DCST2: variants seen among roughly 807,000 people sequenced by gnomAD.
The protein encoded by DCST2 is DC-STAMP domain-containing protein 2.
DCST2 carries 64 observed loss-of-function variants against 81.8 expected under a neutral mutation model. The observed-to-expected ratio is 0.78, with a 90% CI of 0.64 to 0.96. The LOEUF is 0.96. Among genes scored for constraint, DCST2 ranks in the 40% least tolerant of loss-of-function variants. The pLI is 0.00. For missense variants in DCST2, 945 were observed against 1,001.4 expected, an observed-to-expected ratio of 0.94 and a Z score of 0.76; for synonymous variants, 354 against 402.6, an observed-to-expected ratio of 0.88 and a Z score of 1.44.
chr1:155,024,684 T>G, intron 10 of DCST2, 82 bp from the exon 11 acceptor site: 1 of 1,391,806 alleles, frequency 7.2e-7, no homozygotes, highest in South Asian at 1.8e-5. Flanking sequence ...ACTACCTACC[T>G]TTTCCTTCTA....
rs781475682 is a variant in DCST2, at chr1:155,023,941, T to C, written c.1761A>G (p.Pro587=). 2 of 1,613,270 alleles carry C rather than the reference T, an allele frequency of 1.2e-6. No individual in the cohort carries two copies. The highest frequency in any genetic ancestry group is 2.2e-5 in the South Asian group (2 of 90,968). Residue 587 remains proline, a synonymous_variant, in exon 12 of 15, where the codon CCA becomes CCG. Transcript: ENST00000368424. The part of the protein sequence containing the change: ...VLASRCPCLG[P]FVSHFWLHQA... Reference sequence around the variant, plus strand: ...GATGCAGCCAAAAGTGGCTGACAAATGGACCTAGGCAGGGGCACCTGAGAA... The same window carrying C: ...GATGCAGCCAAAAGTGGCTGACAAACGGACCTAGGCAGGGGCACCTGAGAA...
chr1:155,018,959 A>T (rs1442344921), intron 14 of DCST2, among the ~76,000 whole-genome samples, 199 bp from the exon 15 acceptor site: 1 of 152,162 alleles, frequency 6.6e-6, no homozygotes, highest in African/African-American at 2.4e-5. Flanking sequence ...GGGGGTGGGC[A>T]GTGACTTGCC....
chr1:155,023,232 G>C lies in DCST2; in HGVS notation c.1990C>G (p.Gln664Glu). 1 of 1,614,142 alleles carries C rather than the reference G, an allele frequency of 6.2e-7. No individual in the cohort carries two copies. Among genetic ancestry groups the C allele is most frequent in the East Asian group, 2.2e-5 (1 of 44,890 alleles). The change falls in exon 14 of 15, where the codon CAG becomes GAG. Residue 664 changes from glutamine to glutamate, a missense_variant. Physicochemically the swap from Gln to Glu is conservative, Grantham distance 29 (BLOSUM62 2). Transcript: ENST00000368424. ...ELDSSDEEGP[Q>E]LWLAAAQRKD... ...CTTTGAGCTGCAGCCAGCCATAGCT[G>C]AGGGCCCTCCTCATCGCTGGAGTCC... is the stretch of plus-strand genomic sequence containing the variant.
rs1388199538 is a variant in DCST2, at chr1:155,033,578, G to A, written c.124C>T (p.Leu42Phe). 6.2e-7 allele frequency: 1 copy of A among 1,614,178 alleles called. No homozygotes were observed. The highest frequency in any genetic ancestry group is 1.1e-5 in the South Asian group (1 of 91,086). The change falls in exon 1 of 15, where the codon CTT becomes TTT. Residue 42 changes from leucine to phenylalanine, a missense_variant. Transcript: ENST00000368424. ...TGGCCTTCCACCAGTAGCTCCAGAA[G>A]CCCGTAGGCCGTGGCTAAAGACAAG... ...LGLSLATAYG[L>F]LELLVEGHSP...
chr1:155,032,470 T>G (rs183029323), intron 3 of DCST2, among the ~76,000 whole-genome samples, 197 bp downstream of exon 3: 38 of 152,076 alleles, frequency 2.5e-4, no homozygotes, highest in Non-Finnish European at 4.7e-4. Context: ...CTGGCTAGTT[T>G]TATTTATTTT....
chr1:155,028,017 C>T (rs1428808022), intron 8 of DCST2, among the ~76,000 whole-genome samples: 3 of 150,498 alleles, frequency 2.0e-5, no homozygotes, highest in South Asian at 2.1e-4. Context: ...CTCTGCCTCC[C>T]AGGTTCAAGT....
chr1:155,025,558 A>C (rs185147775), intron 10 of DCST2, among the ~76,000 whole-genome samples: 381 of 151,908 alleles, frequency 2.5e-3, no homozygotes, highest in Admixed American at 3.7e-3. Flanking sequence ...CAATCTCTTG[A>C]CCTTGTGATC....
chr1:155,025,011 G>T (rs185124159), intron 10 of DCST2, among the ~76,000 whole-genome samples: 51 of 152,116 alleles, frequency 3.4e-4, no homozygotes, highest in African/African-American at 1.2e-3. Flanking sequence ...AACTGGGGTG[G>T]TGGCGCATGC....
chr1:155,024,332 T>C (rs1659839315), intron 11 of DCST2, 140 bp downstream of exon 11: 2 of 1,197,008 alleles, frequency 1.7e-6, no homozygotes, highest in South Asian at 4.5e-5. Flanking sequence ...TTCCCACCTT[T>C]CACAGCGTTA....
At chr1:155,031,535 C>A (rs373931993) in intron 4 of DCST2, 39 bp downstream of exon 4, 37 of 1,576,396 alleles carry the variant, frequency 2.3e-5, no homozygotes, top group Non-Finnish European at 3.0e-5. Flanking sequence ...CCCCACCCCA[C>A]ATCGGCTCCT....
In DCST2 at chr1:155,023,419, T is replaced by C. The variant is rs774894145; in HGVS notation, c.1909A>G (p.Thr637Ala). The change falls in exon 13 of 15, where the codon ACC becomes GCC. Residue 637 changes from threonine (T) to alanine (A), a missense_variant. By Grantham distance (58) the Thr-to-Ala change is moderately conservative. Transcript: ENST00000368424. ...CLTCFRLLDN[T>A]CSVCASPLSY... ...AGGGGAGATGCACACACGGAGCAGG[T>C]ATTGTCCAGGAGGCGGAAGCAAGTG... 6.2e-7 allele frequency: 1 copy of C among 1,605,872 alleles called. No homozygotes were observed. The highest frequency in any genetic ancestry group is 8.5e-7 in the Non-Finnish European group (1 of 1,176,090).
chr1:155,029,946 G>T, intron 7 of DCST2, 138 bp downstream of exon 7: 1 of 1,319,558 alleles, frequency 7.6e-7, no homozygotes, highest in Non-Finnish European at 1.0e-6. Flanking sequence ...TAAGCTCTGG[G>T]TTGTGTCTCC....
Position 155,031,740 on chromosome 1 carries a change from G to GAGCC in DCST2, c.569_572dup (p.Leu192AlafsTer25). 6.2e-7 allele frequency: 1 copy of GAGCC among 1,614,062 alleles called. No homozygotes were observed. Among genetic ancestry groups the GAGCC allele is most frequent in the Middle Eastern group, 1.7e-4 (1 of 6,054 alleles). On this transcript the variant is annotated frameshift_variant, in exon 4 of 15. Transcript: ENST00000368424. LOFTEE classifies it high-confidence loss of function. ...AGTTGCACACATCGCCGATGTGCAG[G>GAGCC]AGCCACTGCCACACATTCCGGAGAG...
Position 155,033,250 on chromosome 1 carries a change from G to A in DCST2, c.283C>T (p.Leu95=), listed in dbSNP as rs1660156583. The part of the protein sequence containing the change: ...PQAFSRQGRT[L]LLVAAFGLVL... ...AACCCAAAAGCAGCCACCAACAGTAGTGTCCGGCCCTGCCCTGGGGGCGAC... is the reference window on the plus strand; with the variant it reads ...AACCCAAAAGCAGCCACCAACAGTAATGTCCGGCCCTGCCCTGGGGGCGAC... The change falls in exon 2 of 15, where the codon CTA becomes TTA. Residue 95 remains leucine, a synonymous_variant. Coordinates refer to ENST00000368424, the MANE Select transcript of DCST2 (RefSeq NM_144622.3). 2 of 1,612,882 alleles carry A rather than the reference G, an allele frequency of 1.2e-6. No homozygotes were observed. The highest frequency in any genetic ancestry group is 1.7e-6 in the Non-Finnish European group (2 of 1,179,502).
At position 155,024,520 on chromosome 1, in the gene DCST2, C is replaced by T. The variant is rs144331940; in HGVS notation, c.1694G>A (p.Arg565Gln). ...ACTTCTGTGGCCCTGGTCAGCCGCC[C>T]GCCGCCTCACTGATCGGTGCAGGGC... ...LAALHRSVRR[R>Q]AADQGHRSAF... is the part of the protein sequence containing the mutation. Residue 565 changes from arginine to glutamine, a missense_variant, in exon 11 of 15, where the codon CGG (arginine) becomes CAG (glutamine). By Grantham distance (43) the Arg-to-Gln change is conservative. Transcript: ENST00000368424. The T allele has an allele frequency of 5.4e-5, 87 of 1,607,796 alleles. No homozygotes were observed. Among genetic ancestry groups the T allele is most frequent in the East Asian group, 1.8e-4 (8 of 44,476 alleles).
chr1:155,026,419 C>T lies in DCST2; in HGVS notation c.1511-17G>A. 6.2e-7 allele frequency: 1 copy of T among 1,613,708 alleles called. No homozygotes were observed. The highest frequency in any genetic ancestry group is 8.5e-7 in the Non-Finnish European group (1 of 1,179,960). On this transcript the variant is annotated splice_polypyrimidine_tract_variant and intron_variant, in intron 9 of 14. Coordinates refer to ENST00000368424, the MANE Select transcript of DCST2 (RefSeq NM_144622.3). ...ACATGACGCCTGGGAGCACAGCAGCCACAGTCAGCCTCACCAGCAGGCACA... is the reference window on the plus strand; with the variant it reads ...ACATGACGCCTGGGAGCACAGCAGCTACAGTCAGCCTCACCAGCAGGCACA...
At chr1:155,029,137 G>A in intron 8 of DCST2, 96 bp downstream of exon 8, 1 of 1,438,998 alleles carries the variant, frequency 6.9e-7, no homozygotes, top group Non-Finnish European at 9.5e-7. Context: ...CTGAGGATGG[G>A]AAGAGGAGAA....
chr1:155,023,894 CCA>C lies in DCST2; in HGVS notation c.1806_1807del (p.Cys602TrpfsTer6). 6.2e-7 allele frequency: 1 copy of C among 1,613,630 alleles called. No individual in the cohort carries two copies. Among genetic ancestry groups the C allele is most frequent in the Non-Finnish European group, 8.5e-7 (1 of 1,179,906 alleles). On this transcript the variant is annotated frameshift_variant, in exon 12 of 15. Coordinates refer to ENST00000368424, the MANE Select transcript of DCST2 (RefSeq NM_144622.3). LOFTEE classifies it high-confidence loss of function. ...CATGTCTCCCTCATCCTGGGGCTGCCCACAGCCCAGGCAGTAGGCCTGATGCA... is the reference window on the plus strand; with the variant it reads ...CATGTCTCCCTCATCCTGGGGCTGCCCAGCCCAGGCAGTAGGCCTGATGCA...
At chr1:155,020,540 T>G (rs1483933764) in intron 14 of DCST2, among the ~76,000 whole-genome samples, 1 of 152,108 alleles carries the variant, frequency 6.6e-6, no homozygotes, top group Non-Finnish European at 1.5e-5. Context: ...TAATTTTTTG[T>G]ATTTTTAGTA....
Sources: allele counts gnomAD v4.1 joint callset (sites outside exome capture counted in the v4.1 genomes callset), GRCh38; gene constraint gnomAD v4.1.1; transcripts MANE v1.5; gene names NCBI Gene and HGNC (gene_info 2026-07-23, HGNC 2026-07-21).